Variants in CNBD1 observed in about 807,000 individuals in gnomAD.
CNBD1 encodes the protein cyclic nucleotide binding domain containing 1.
CNBD1 carries 71 observed loss-of-function variants against 54.4 expected under a neutral mutation model. That is an observed-to-expected ratio of 1.30 (90% CI 1.08 to 1.59). The LOEUF is 1.59. CNBD1 is among the 40% of genes most tolerant of loss of function. The pLI is 0.00. For missense variants in CNBD1, 659 were observed against 518.0 expected (o/e 1.27, Z -2.64); for synonymous variants, 182 against 170.7 (o/e 1.07, Z -0.51).
At chr8:87,134,159 A>G (rs1812177751) in intron 4 of CNBD1, among the ~76,000 whole-genome samples, 1 of 152,192 alleles carries the variant, frequency 6.6e-6, no homozygotes, top group African/African-American at 2.4e-5. Context: ...TGTGTGACTA[A>G]TTTGTTTAAA....
At chr8:87,029,432 G>A (rs886381267) in intron 4 of CNBD1, among the ~76,000 whole-genome samples, 1 of 152,074 alleles carries the variant, frequency 6.6e-6, no homozygotes, top group South Asian at 2.1e-4. Context: ...CCAATTTTTG[G>A]GTGGTTATCA....
At chr8:87,217,199 G>C (rs1814231891) in intron 5 of CNBD1, among the ~76,000 whole-genome samples, 1 of 152,056 alleles carries the variant, frequency 6.6e-6, no homozygotes. Flanking sequence ...TTAAAACTTA[G>C]AGCATTGAAA....
chr8:87,133,117 A>T (rs1459006072), intron 4 of CNBD1, among the ~76,000 whole-genome samples: 2 of 152,012 alleles, frequency 1.3e-5, no homozygotes, highest in East Asian at 3.9e-4. Context: ...TATATCTTCC[A>T]CTTTTCTGCT....
chr8:87,097,852 G>A (rs1439570479), intron 4 of CNBD1, among the ~76,000 whole-genome samples: 1 of 152,146 alleles, frequency 6.6e-6, no homozygotes, highest in East Asian at 1.9e-4. Context: ...TTAACTTCGT[G>A]ATCTGTCAGA....
intron 5 of CNBD1, among the ~76,000 whole-genome samples, chr8:87,232,276 C>T (rs1807459796): frequency 1.3e-5 from 2 of 152,094 alleles, no homozygotes; most frequent in Non-Finnish European, 2.9e-5. Flanking sequence ...TTTCATTCCT[C>T]CTGAGCAAAT....
chr8:86,911,745 T>C (rs1809102730), intron 3 of CNBD1, among the ~76,000 whole-genome samples: 1 of 152,056 alleles, frequency 6.6e-6, no homozygotes, highest in Admixed American at 6.6e-5. Context: ...CTGTTAGAAA[T>C]GATAAAATAA....
chr8:87,333,840 G>T (rs1412149683), intron 8 of CNBD1, among the ~76,000 whole-genome samples: 1 of 151,946 alleles, frequency 6.6e-6, no homozygotes, highest in Non-Finnish European at 1.5e-5. Context: ...TTTTTTTGTT[G>T]TGTTCCTGCC....
At chr8:86,966,749 C>G (rs1048436638) in intron 4 of CNBD1, among the ~76,000 whole-genome samples, 16 of 152,138 alleles carry the variant, frequency 1.1e-4, no homozygotes, top group Non-Finnish European at 1.8e-4. Context: ...GTGAGTGTTA[C>G]AGCTCATAAA....
intron 4 of CNBD1, among the ~76,000 whole-genome samples, chr8:87,164,713 T>G (rs1275436379): frequency 6.6e-6 from 1 of 151,590 alleles, no homozygotes; most frequent in African/African-American, 2.4e-5. Context: ...AAATTTTGTT[T>G]ATCTTGTTAA....
intron 3 of CNBD1, among the ~76,000 whole-genome samples, chr8:86,905,455 C>T (rs770689208): frequency 3.9e-5 from 6 of 152,052 alleles, no homozygotes; most frequent in Non-Finnish European, 8.8e-5. Context: ...TACTAATGAA[C>T]GGCAGTGTTT....
At chr8:86,879,395 A>G (rs982172948) in intron 1 of CNBD1, among the ~76,000 whole-genome samples, 1 of 152,248 alleles carries the variant, frequency 6.6e-6, no homozygotes, top group Non-Finnish European at 1.5e-5. Context: ...GTAAGAGCAC[A>G]ATGGAAAAGA....
chr8:86,927,245 C>A (rs1809377082), intron 3 of CNBD1, among the ~76,000 whole-genome samples: 1 of 152,114 alleles, frequency 6.6e-6, no homozygotes, highest in East Asian at 1.9e-4. Context: ...GGAGAAAAAA[C>A]CATTTTGTAT....
At chr8:87,412,970 G>C (rs1009609160) in intron 2 of CNBD1, among the ~76,000 whole-genome samples, 1 of 152,032 alleles carries the variant, frequency 6.6e-6, no homozygotes, top group African/African-American at 2.4e-5. Flanking sequence ...TCCTGTACCT[G>C]TGAAGATAAG....
intron 2 of CNBD1, among the ~76,000 whole-genome samples, chr8:87,418,853 G>A (rs1807879477): frequency 6.6e-6 from 1 of 151,902 alleles, no homozygotes; most frequent in East Asian, 1.9e-4. Context: ...CATAGCTGAT[G>A]AAAGTGTAAA....
rs537621552 is a variant in CNBD1, at chr8:87,183,845, G to A, written c.432-22148G>A. On this transcript the variant is annotated intron_variant, in intron 4 of 10. Coordinates refer to ENST00000518476, the MANE Select transcript of CNBD1 (RefSeq NM_173538.3). The stretch of plus-strand genomic sequence containing the variant: ...CTGGGCTGTATGCTCTAACCCTGGG[G>A]GCACTAGGACCAGGCCTATCACTTT... Among the ~76,000 whole-genome samples the A allele has an allele frequency of 3.9e-5, 6 of 152,286 alleles. No homozygotes were observed. The South Asian group carries it at 1.2e-3, about 32-fold the overall frequency.
intron 4 of CNBD1, among the ~76,000 whole-genome samples, chr8:87,018,286 A>C (rs913077547): frequency 6.6e-6 from 1 of 152,186 alleles, no homozygotes; most frequent in African/African-American, 2.4e-5. Context: ...GTTGCAAATC[A>C]ATTTCTTACT....
At chr8:87,265,034 G>A (rs1808220386) in intron 6 of CNBD1, among the ~76,000 whole-genome samples, 1 of 152,108 alleles carries the variant, frequency 6.6e-6, no homozygotes, top group South Asian at 2.1e-4. Flanking sequence ...TTTGGCTTTT[G>A]TTGCCATTGC....
chr8:86,918,906 C>A lies in CNBD1; in HGVS notation c.272+13712C>A, dbSNP rs566442644. Among the ~76,000 whole-genome samples the A allele has an allele frequency of 2.6e-5, 4 of 151,922 alleles. No individual in the cohort carries two copies. The East Asian group carries it at 5.8e-4, about 22-fold the overall frequency. ...ACATAGTTTCTTTTTCCTAGCCCCG[C>A]CTTTCTGAGTCTCCAATGACTATTA... On this transcript the variant is annotated intron_variant, in intron 3 of 10. Transcript: ENST00000518476.
intron 2 of CNBD1, among the ~76,000 whole-genome samples, chr8:86,897,784 A>G (rs771109835): frequency 6.6e-6 from 1 of 152,226 alleles, no homozygotes; most frequent in Non-Finnish European, 1.5e-5. Flanking sequence ...CCCAGACTCA[A>G]CATTCCAGAA....
Sources: allele counts gnomAD v4.1 joint callset (sites outside exome capture counted in the v4.1 genomes callset), GRCh38; gene constraint gnomAD v4.1.1; transcripts MANE v1.5; gene names NCBI Gene and HGNC (gene_info 2026-07-23, HGNC 2026-07-21).